Variants in CELF2 observed in about 807,000 individuals in gnomAD.
CELF2 encodes the protein CUGBP Elav-like family member 2, also known as CUG triplet repeat RNA-binding protein 2.
In CELF2, 8 loss-of-function variants were observed where a neutral mutation model predicts 62.6. The observed-to-expected ratio is 0.13, with a 90% CI of 0.07 to 0.23. The LOEUF is 0.23. Ranked by LOEUF, CELF2 falls within the 10% of genes least tolerant of loss-of-function variation. The pLI, the probability that CELF2 is intolerant of heterozygous loss-of-function variation, is 1.00. For synonymous variants in CELF2, 258 were observed against 250.0 expected, an observed-to-expected ratio of 1.03 and a Z score of -0.30; for missense variants, 333 against 671.0, an observed-to-expected ratio of 0.50 and a Z score of 5.56.
chr10:10,900,770 A>G (rs1409656065), intron 1 of CELF2, among the ~76,000 whole-genome samples: 1 of 152,252 alleles, frequency 6.6e-6, no homozygotes, highest in Non-Finnish European at 1.5e-5. Context: ...TATATTGAAA[A>G]GAAAGAAATT....
chr10:10,550,989 C>T, the CELF2 span, among the ~76,000 whole-genome samples: 7 of 152,306 alleles, frequency 4.6e-5, no homozygotes, highest in African/African-American at 1.2e-4. Context: ...TGAGCCACCA[C>T]GCCCAGCTGC....
chr10:11,190,616 T>TA (rs969616995), intron 2 of CELF2, among the ~76,000 whole-genome samples: 93 of 146,390 alleles, frequency 6.4e-4, no homozygotes, highest in African/African-American at 1.3e-3. Context: ...ATTGTTCTTT[T>TA]AAAAAAAAAA....
chr10:10,945,995 G>A (rs1184392078), intron 2 of CELF2: 1 of 152,702 alleles, frequency 6.5e-6, no homozygotes, highest in Non-Finnish European at 1.5e-5. Flanking sequence ...TGGGCTGTAG[G>A]CAGGGGAGCC....
the CELF2 span, among the ~76,000 whole-genome samples, chr10:10,578,296 T>G: frequency 6.6e-6 from 1 of 152,342 alleles, no homozygotes; most frequent in Middle Eastern, 3.4e-3. Flanking sequence ...AAAAATTTTC[T>G]CCCATTCTAT....
chr10:11,167,553 A>T (rs2067583843), intron 2 of CELF2, among the ~76,000 whole-genome samples: 1 of 152,240 alleles, frequency 6.6e-6, no homozygotes, highest in Non-Finnish European at 1.5e-5. Context: ...TTTCCCAGTC[A>T]GGTAAGTACC....
At chr10:10,534,377 C>T in the CELF2 span, among the ~76,000 whole-genome samples, 95 of 151,896 alleles carry the variant, frequency 6.3e-4, no homozygotes, top group Non-Finnish European at 1.1e-3. Context: ...GTGGGGAGAC[C>T]GGAGTATGTT....
At chr10:11,127,782 C>T (rs762332581) in intron 1 of CELF2, among the ~76,000 whole-genome samples, 1 of 152,084 alleles carries the variant, frequency 6.6e-6, no homozygotes, top group Non-Finnish European at 1.5e-5. Flanking sequence ...TGGATATTAG[C>T]CCTTTGTCAG....
the CELF2 span, among the ~76,000 whole-genome samples, chr10:10,622,406 C>T: frequency 1.5e-4 from 23 of 151,926 alleles, no homozygotes; most frequent in African/African-American, 5.6e-4. Flanking sequence ...CCCAGGAGTT[C>T]AAGACCAGCC....
chr10:11,247,698 G>A lies in CELF2; in HGVS notation c.355-1455G>A, dbSNP rs1264152875. Among the ~76,000 whole-genome samples the A allele has an allele frequency of 6.6e-6, 1 of 152,056 alleles. No individual in the cohort carries two copies. The highest frequency in any genetic ancestry group is 6.6e-5 in the Admixed American group (1 of 15,258). ...GTTTTTGGCCTAGAGACTGACATAG[G>A]GTACCTGTTTGCTCCATACCTGCTG... is the stretch of plus-strand genomic sequence containing the variant. On this transcript the variant is annotated intron_variant, in intron 3 of 12. Transcript: ENST00000633077. The surrounding 1 kb of genome is among the most constrained non-coding windows in gnomAD (Gnocchi z 5.4).
chr10:10,557,475 C>T, the CELF2 span, among the ~76,000 whole-genome samples: 2 of 138,250 alleles, frequency 1.4e-5, no homozygotes, highest in Non-Finnish European at 3.1e-5. Flanking sequence ...TGTGATGCCT[C>T]CAGCTTTGTT....
At chr10:10,687,707 A>G in the CELF2 span, among the ~76,000 whole-genome samples, 1 of 152,200 alleles carries the variant, frequency 6.6e-6, no homozygotes, top group Non-Finnish European at 1.5e-5. Flanking sequence ...TAAATTTTGT[A>G]TCTAATTTCT....
chr10:10,733,156 T>A, the CELF2 span, among the ~76,000 whole-genome samples: 83 of 152,076 alleles, frequency 5.5e-4, 1 homozygote, highest in Middle Eastern at 0.014. Flanking sequence ...GCAGCTAGCT[T>A]CGGCCCCCAC....
At chr10:10,696,966 GT>G in the CELF2 span, among the ~76,000 whole-genome samples, 1 of 152,236 alleles carries the variant, frequency 6.6e-6, no homozygotes, top group Non-Finnish European at 1.5e-5. Flanking sequence ...GCTGGGAGCT[GT>G]AGAGGGGAGC....
intron 1 of CELF2, among the ~76,000 whole-genome samples, chr10:10,809,362 C>G (rs572804482): frequency 2.6e-5 from 4 of 152,294 alleles, no homozygotes; most frequent in African/African-American, 9.6e-5. Flanking sequence ...TTAAGCCACC[C>G]AGTCTATGGT....
the CELF2 span, among the ~76,000 whole-genome samples, chr10:10,588,641 T>TA: frequency 6.6e-6 from 1 of 152,214 alleles, no homozygotes; most frequent in Non-Finnish European, 1.5e-5. Flanking sequence ...TCCTGATAGT[T>TA]AATGTACTCT....
At chr10:10,505,560 T>C in the CELF2 span, among the ~76,000 whole-genome samples, 2 of 152,084 alleles carry the variant, frequency 1.3e-5, no homozygotes, top group Non-Finnish European at 2.9e-5. Flanking sequence ...ACCTCATTAC[T>C]GGTCAGTGGG....
the CELF2 span, among the ~76,000 whole-genome samples, chr10:10,636,303 C>T: frequency 6.6e-6 from 1 of 152,206 alleles, no homozygotes; most frequent in Non-Finnish European, 1.5e-5. Context: ...TCTCTGTTCT[C>T]TTCTGACTGA....
At chr10:11,005,289 A>AGAGG, upstream of CELF2, 3 of 1,556,756 alleles carry the variant, frequency 1.9e-6, no homozygotes, top group South Asian at 1.1e-5. The surrounding 1 kb of genome is among the most constrained non-coding windows in gnomAD (Gnocchi z 4.3). Flanking sequence ...AGAGAGAGAG[A>AGAGG]GAGAGGGAGG....
chr10:10,847,665 C>T (rs953090571), intron 1 of CELF2, among the ~76,000 whole-genome samples: 1 of 152,168 alleles, frequency 6.6e-6, no homozygotes, highest in Non-Finnish European at 1.5e-5. Context: ...TATGCAAGAG[C>T]GTGTTCATTG....
Sources: allele counts gnomAD v4.1 joint callset (sites outside exome capture counted in the v4.1 genomes callset), GRCh38; gene constraint gnomAD v4.1.1; non-coding constraint Gnocchi (gnomAD v3.1); transcripts MANE v1.5; gene names NCBI Gene and HGNC (gene_info 2026-07-23, HGNC 2026-07-21).